The following DNAH10 variants were observed in gnomAD, a reference collection of about 807,000 sequenced individuals.
DNAH10 encodes dynein axonemal heavy chain 10, also known as axonemal beta dynein heavy chain 10.
In DNAH10, 348 loss-of-function variants were observed where a neutral mutation model predicts 506.6. That is an observed-to-expected ratio of 0.69 (90% confidence interval 0.63 to 0.75). DNAH10 has a LOEUF of 0.75. Among genes scored for constraint, DNAH10 ranks in the 30% least tolerant of loss-of-function variants. The pLI, the probability that DNAH10 is intolerant of heterozygous loss-of-function variation, is 0.00. For missense variants in DNAH10, 5,179 were observed against 5,787.1 expected, an observed-to-expected ratio of 0.89 and a Z score of 3.41; for synonymous variants, 2,059 against 2,198.6, an observed-to-expected ratio of 0.94 and a Z score of 1.78.
intron 45 of DNAH10, 95 bp downstream of exon 45, chr12:123,871,697 T>C: frequency 1.4e-6 from 2 of 1,406,676 alleles, no homozygotes; most frequent in Non-Finnish European, 9.6e-7. Flanking sequence ...TCTCACAGTT[T>C]CCGTGGGTCG....
chr12:123,779,205 A>ATT (rs140193400), intron 5 of DNAH10, among the ~76,000 whole-genome samples: 1 of 151,606 alleles, frequency 6.6e-6, no homozygotes, highest in South Asian at 2.1e-4. Context: ...GCCCGGCCTA[A>ATT]TTTTTTTCTT....
rs1323605379 is a variant in DNAH10 at position 123,917,069 on chromosome 12, C to G, written c.11002+333C>G. Among the ~76,000 whole-genome samples, 1 of 152,006 alleles carries G rather than the reference C, an allele frequency of 6.6e-6. No individual in the cohort carries two copies. Among genetic ancestry groups the G allele is most frequent in the South Asian group, 2.1e-4 (1 of 4,822 alleles). On this transcript the variant is annotated intron_variant, in intron 63 of 78. Coordinates refer to ENST00000673944, the MANE Select transcript of DNAH10 (RefSeq NM_001372106.1). The surrounding 1 kb of genome is among the most constrained non-coding windows in gnomAD (Gnocchi z 5.6). ...GATGTTGAATTTTTTTTTTCTTCCT[C>G]TCAGTTGAATTCTGATAGAAATGGG...
intron 36 of DNAH10, among the ~76,000 whole-genome samples, chr12:123,856,556 C>T (rs1399871646): frequency 6.0e-5 from 9 of 150,720 alleles, no homozygotes; most frequent in Non-Finnish European, 1.3e-4. Context: ...AGGCTGATCT[C>T]GAACTCCTCA....
In DNAH10 at chr12:123,785,677, A is replaced by T. The variant is rs1188383103; in HGVS notation, c.1231-69A>T. The T allele has an allele frequency of 1.6e-6, 2 of 1,271,516 alleles. No homozygotes were observed. The highest frequency in any genetic ancestry group is 2.1e-6 in the Non-Finnish European group (2 of 949,826). The allele number at this position is 1,271,516 out of a possible 1,614,324, so 78.8% of individuals were successfully genotyped here. ...AAAGAGTGAAACTTCTTGCATGCTTACTGTTTTATGAAACTATTTGGACCC... is the reference window on the plus strand; with the variant it reads ...AAAGAGTGAAACTTCTTGCATGCTTTCTGTTTTATGAAACTATTTGGACCC... On this transcript the variant is annotated intron_variant, in intron 8 of 78. Transcript: ENST00000673944. The surrounding 1 kb of genome is among the most constrained non-coding windows in gnomAD (Gnocchi z 4.1).
chr12:123,764,121 C>G (rs186566227), intron 1 of DNAH10, among the ~76,000 whole-genome samples: 17 of 152,348 alleles, frequency 1.1e-4, no homozygotes, highest in South Asian at 4.1e-4. Flanking sequence ...CCACCTCGGC[C>G]TCCCGAAGTG....
In DNAH10 at chr12:123,787,787, A is replaced by G; in HGVS notation, c.1422-17A>G. The G allele has an allele frequency of 6.2e-7, 1 of 1,610,432 alleles. No individual in the cohort carries two copies. Among genetic ancestry groups the G allele is most frequent in the East Asian group, 2.2e-5 (1 of 44,798 alleles). On this transcript the variant is annotated splice_polypyrimidine_tract_variant and intron_variant, in intron 9 of 78. Coordinates refer to ENST00000673944, the MANE Select transcript of DNAH10 (RefSeq NM_001372106.1). This position sits in a 1 kb window ranked among gnomAD's most constrained non-coding sequence, Gnocchi z 4.6. ...AGCTCCGCCCTCCTCCCATCACGGC[A>G]TCTCTTGGCTTCGCAGAGAAAATCG...
chr12:123,835,653 T>G, intron 28 of DNAH10, 125 bp downstream of exon 28: 1 of 1,378,160 alleles, frequency 7.3e-7, no homozygotes, highest in African/African-American at 1.5e-5. Context: ...GAGACAGGGT[T>G]TTGCTCTGTT....
chr12:123,839,662 A>AT (rs34822711), intron 29 of DNAH10, among the ~76,000 whole-genome samples: 52,426 of 114,764 alleles, frequency 0.46, 13,939 homozygotes, highest in Non-Finnish European at 0.57. Flanking sequence ...TTTCTTTTCT[A>AT]TTTTTTTTTT....
At chr12:123,922,218 C>G (rs1366563775) in intron 65 of DNAH10, among the ~76,000 whole-genome samples, 2 of 151,854 alleles carry the variant, frequency 1.3e-5, no homozygotes, top group Admixed American at 1.3e-4. Context: ...ACTAAAAATA[C>G]AAAAATTAGC....
chr12:123,870,106 G>A (rs1246634463), intron 43 of DNAH10, among the ~76,000 whole-genome samples: 1 of 152,232 alleles, frequency 6.6e-6, no homozygotes, highest in Admixed American at 6.5e-5. Flanking sequence ...TACTCAGAAA[G>A]TGCCTGACAA....
intron 53 of DNAH10, among the ~76,000 whole-genome samples, chr12:123,894,230 A>G (rs1478924673): frequency 4.6e-5 from 7 of 151,012 alleles, no homozygotes; most frequent in African/African-American, 7.3e-5. Flanking sequence ...GGCTGGGACT[A>G]TAGGCGCACA....
In DNAH10 at chr12:123,850,802, C is replaced by A; in HGVS notation, c.6103-86C>A. 7.3e-7 allele frequency: 1 copy of A among 1,367,506 alleles called. No homozygotes were observed. Among genetic ancestry groups the A allele is most frequent in the Admixed American group, 2.2e-5 (1 of 44,894 alleles). The allele number at this position is 1,367,506 out of a possible 1,614,324, so 84.7% of individuals were successfully genotyped here. ...CTCATACCATGAAAATGAATCGCCA[C>A]GCAGCTCGCCGCAGGCCCCCTTTCC... On this transcript the variant is annotated intron_variant, in intron 34 of 78. Coordinates refer to ENST00000673944, the MANE Select transcript of DNAH10 (RefSeq NM_001372106.1). The surrounding 1 kb of genome is among the most constrained non-coding windows in gnomAD (Gnocchi z 5.5).
chr12:123,857,028 T>C (rs760048992), intron 36 of DNAH10, 28 bp from the exon 37 acceptor site: 2 of 1,586,380 alleles, frequency 1.3e-6, no homozygotes, highest in Non-Finnish European at 1.7e-6. Context: ...TGGAAATCTC[T>C]TGGAAACATG....
rs772101207 is a variant in DNAH10 at position 123,918,692 on chromosome 12, A to G, written c.11249A>G (p.Lys3750Arg). The change falls in exon 65 of 79, where the codon AAG (lysine) becomes AGG (arginine). Residue 3750 changes from lysine (K) to arginine (R), a missense_variant. Physicochemically the swap from Lys to Arg is conservative, Grantham distance 26. Around this residue, in one of 3 missense-constraint regions of DNAH10, gnomAD observed 4,844 missense variants for 5,430.5 expected, o/e 0.89. Coordinates refer to ENST00000673944, the MANE Select transcript of DNAH10 (RefSeq NM_001372106.1). ...TTTCTTCAGGTCTCAGAGAAACTCA[A>G]GCTGGCGGAGAAGACAGCCTTGGAC... ...SKATEVSEKL[K>R]LAEKTALDID... The G allele has an allele frequency of 7.7e-6, 12 of 1,556,772 alleles. No homozygotes were observed. The highest frequency in any genetic ancestry group is 9.6e-6 in the Non-Finnish European group (11 of 1,148,072).
Position 123,913,596 on chromosome 12 carries a change from T to G in DNAH10, c.10352+281T>G, listed in dbSNP as rs981430146. Among the ~76,000 whole-genome samples the G allele has an allele frequency of 3.9e-5, 6 of 152,202 alleles. No homozygotes were observed. Among genetic ancestry groups the G allele is most frequent in the Non-Finnish European group, 8.8e-5 (6 of 68,032 alleles). ...TACCATTTAGCAGGGTGCTCTAGGT[T>G]TGGGAAGTGTTCACTTCTTGGTGAC... is the stretch of plus-strand genomic sequence containing the variant. On this transcript the variant is annotated intron_variant, in intron 60 of 78. Transcript: ENST00000673944. The surrounding 1 kb of genome is among the most constrained non-coding windows in gnomAD (Gnocchi z 5.1).
chr12:123,784,067 G>A lies in DNAH10; in HGVS notation c.1120G>A (p.Asp374Asn), dbSNP rs1051384753. ...AGTCTTGGATGTGATCAAGGAATCC[G>A]ACTCCATGCTTGTGGCTAATCTGCA... is the stretch of plus-strand genomic sequence containing the variant. ...RKVLDVIKES[D>N]SMLVANLQPV... The change falls in exon 8 of 79, where the codon GAC becomes AAC. Residue 374 changes from aspartate to asparagine, a missense_variant. By Grantham distance (23) the Asp-to-Asn change is conservative. Transcript: ENST00000673944. 2.5e-6 allele frequency: 4 copies of A among 1,614,070 alleles called. No homozygotes were observed. The highest frequency in any genetic ancestry group is 1.3e-5 in the African/African-American group (1 of 74,918).
intron 18 of DNAH10, 64 bp from the exon 19 acceptor site, chr12:123,808,733 A>G: frequency 6.4e-7 from 1 of 1,557,656 alleles, no homozygotes; most frequent in Admixed American, 1.7e-5. Flanking sequence ...CATTTCCATC[A>G]ATTGCTTGGT....
chr12:123,841,385 G>A lies in DNAH10; in HGVS notation c.5200G>A (p.Ala1734Thr), dbSNP rs376989344. Reference sequence around the variant, plus strand: ...CGATAGTGGAGAAAAACTGGTGTCCGCGATGATTTCAGCAGAAGGAGAAGT... The same window carrying A: ...CGATAGTGGAGAAAAACTGGTGTCCACGATGATTTCAGCAGAAGGAGAAGT... Reference protein sequence around the residue: ...DGDSGEKLVSAMISAEGEVME... With the variant: ...DGDSGEKLVSTMISAEGEVME... The change falls in exon 30 of 79, where the codon GCG becomes ACG. Residue 1734 changes from alanine (A) to threonine (T), a missense_variant. This residue lies in a region of DNAH10 where 4,844 missense variants were observed against 5,430.5 expected (regional missense o/e 0.89). Coordinates refer to ENST00000673944, the MANE Select transcript of DNAH10 (RefSeq NM_001372106.1). 166 of 1,613,856 alleles carry A rather than the reference G, an allele frequency of 1.0e-4. No individual in the cohort carries two copies. The highest frequency in any genetic ancestry group is 1.3e-4 in the Non-Finnish European group (157 of 1,179,898).
In DNAH10 at chr12:123,903,873, C is replaced by T. The variant is rs1460770335; in HGVS notation, c.9815+760C>T. 1.3e-5 allele frequency among the ~76,000 whole-genome samples: 2 copies of T among 152,134 alleles called. No homozygotes were observed. Among genetic ancestry groups the T allele is most frequent in the Non-Finnish European group, 1.5e-5 (1 of 68,010 alleles). On this transcript the variant is annotated intron_variant, in intron 57 of 78. Coordinates refer to ENST00000673944, the MANE Select transcript of DNAH10 (RefSeq NM_001372106.1). This position sits in a 1 kb window ranked among gnomAD's most constrained non-coding sequence, Gnocchi z 4.6. Reference sequence around the variant, plus strand: ...CCCTCGGCGTGGGAGCCTCAGCTCTCTCCTTCCCCACTCTTCATCCAGAAG... The same window carrying T: ...CCCTCGGCGTGGGAGCCTCAGCTCTTTCCTTCCCCACTCTTCATCCAGAAG...
Sources: allele counts gnomAD v4.1 joint callset (sites outside exome capture counted in the v4.1 genomes callset), GRCh38; gene constraint gnomAD v4.1.1; regional missense constraint gnomAD v4.1.1; non-coding constraint Gnocchi (gnomAD v3.1); transcripts MANE v1.5; gene names NCBI Gene and HGNC (gene_info 2026-07-23, HGNC 2026-07-21).